The following FSIP2 variants were observed in gnomAD, a reference collection of about 807,000 sequenced individuals.
FSIP2 encodes fibrous sheath-interacting protein 2.
In FSIP2, 367 loss-of-function variants were observed where a neutral mutation model predicts 510.5. The observed-to-expected ratio is 0.72, with a 90% CI of 0.66 to 0.78. The LOEUF (loss-of-function observed/expected upper bound fraction) is 0.78. Ranked by LOEUF, FSIP2 falls within the 30% of genes least tolerant of loss-of-function variation. FSIP2 has a pLI of 0.00. For missense variants in FSIP2, 7,594 were observed against 7,901.7 expected, an observed-to-expected ratio of 0.96 and a Z score of 1.48; for synonymous variants, 2,601 against 2,732.2, an observed-to-expected ratio of 0.95 and a Z score of 1.50.
chr2:185,788,823 A>C lies in FSIP2; in HGVS notation c.1687A>C (p.Ser563Arg), dbSNP rs1186464481. 1 of 1,534,626 alleles carries C rather than the reference A, an allele frequency of 6.5e-7. No homozygotes were observed. Among genetic ancestry groups the C allele is most frequent in the East Asian group, 2.4e-5 (1 of 40,858 alleles). Residue 563 changes from serine to arginine, a missense_variant, in exon 16 of 23, where the codon AGT becomes CGT. Coordinates refer to ENST00000424728, the MANE Select transcript of FSIP2 (RefSeq NM_173651.4). ...TAGTTCAAGTTTCTGTAGCACGTGC[A>C]GTGAAGACTTTACATATAGAAGCTA... The part of the protein sequence containing the change: ...SDSSSFCSTC[S>R]EDFTYRSYTS...
intron 10 of FSIP2, 128 bp from the exon 11 acceptor site, chr2:185,761,844 G>T: frequency 2.0e-6 from 1 of 503,100 alleles, no homozygotes; most frequent in Non-Finnish European, 3.5e-6. Flanking sequence ...TACCTAAACA[G>T]TTTTTATGAG....
intron 19 of FSIP2, among the ~76,000 whole-genome samples, chr2:185,816,806 T>C (rs781265444): frequency 1.2e-4 from 18 of 151,620 alleles, no homozygotes; most frequent in Non-Finnish European, 2.2e-4. Context: ...CAGTGAGCTA[T>C]GATTTTGCCA....
chr2:185,815,269 T>C (rs1693805872), intron 18 of FSIP2, 102 bp from the exon 19 acceptor site: 1 of 629,910 alleles, frequency 1.6e-6, no homozygotes. Flanking sequence ...TCTCTGGAAC[T>C]TTTTTCCATT....
rs1692216664 is a variant in FSIP2, at chr2:185,755,035, T to C, written c.992-1157T>C. ...TTCTCTGCCTCTCTGTATCCAATTTTTCTCAATTTAGAATGACCTGATTAC... is the reference window on the plus strand; with the variant it reads ...TTCTCTGCCTCTCTGTATCCAATTTCTCTCAATTTAGAATGACCTGATTAC... On this transcript the variant is annotated intron_variant, in intron 8 of 22. Coordinates refer to ENST00000424728, the MANE Select transcript of FSIP2 (RefSeq NM_173651.4). Among the ~76,000 whole-genome samples the C allele has an allele frequency of 3.3e-5, 5 of 151,534 alleles. No homozygotes were observed. The Admixed American group carries it at 3.3e-4, about 10-fold the overall frequency.
At chr2:185,754,006 A>C (rs1692196788) in intron 8 of FSIP2, among the ~76,000 whole-genome samples, 164 bp downstream of exon 8, 1 of 151,562 alleles carries the variant, frequency 6.6e-6, no homozygotes, top group Non-Finnish European at 1.5e-5. Context: ...GTAGGCATAT[A>C]TGTAACAATG....
At position 185,795,477 on chromosome 2, in the gene FSIP2, G is replaced by A. The variant is rs960721975; in HGVS notation, c.8341G>A (p.Glu2781Lys). Reference sequence around the variant, plus strand: ...TAAAATAGTTAATACAGTTTTGCAAGAATTATATGTTACCAATAACTGCAA... The same window carrying A: ...TAAAATAGTTAATACAGTTTTGCAAAAATTATATGTTACCAATAACTGCAA... ...AGKIVNTVLQELYVTNNCNLA... is the reference protein window; with the variant it reads ...AGKIVNTVLQKLYVTNNCNLA... The change falls in exon 16 of 23, where the codon GAA (glutamate) becomes AAA (lysine). Residue 2781 changes from glutamate to lysine, a missense_variant. By Grantham distance (56) the Glu-to-Lys change is moderately conservative. Coordinates refer to ENST00000424728, the MANE Select transcript of FSIP2 (RefSeq NM_173651.4). 3.3e-6 allele frequency: 5 copies of A among 1,534,784 alleles called. No individual in the cohort carries two copies. Among genetic ancestry groups the A allele is most frequent in the Admixed American group, 3.9e-5 (2 of 50,896 alleles).
rs1042082935 is a variant in FSIP2, at chr2:185,791,950, G to T, written c.4814G>T (p.Gly1605Val). 88 of 1,533,612 alleles carry T rather than the reference G, an allele frequency of 5.7e-5. No individual in the cohort carries two copies. The highest frequency in any genetic ancestry group is 7.5e-5 in the Non-Finnish European group (86 of 1,145,230). Residue 1605 changes from glycine (G) to valine (V), a missense_variant, in exon 16 of 23, where the codon GGT (glycine) becomes GTT (valine). Transcript: ENST00000424728. ...GCCAACGGACATTTAGAAATTTTGG[G>T]TGCTATTAATGATGGAAATAAGAAA... ...GFANGHLEIL[G>V]AINDGNKKSN...
At position 185,804,615 on chromosome 2, in the gene FSIP2, C is replaced by A. The variant is rs1202184922; in HGVS notation, c.15309C>A (p.Ser5103Arg). 1 of 1,533,180 alleles carries A rather than the reference C, an allele frequency of 6.5e-7. No homozygotes were observed. The highest frequency in any genetic ancestry group is 2.4e-5 in the East Asian group (1 of 40,820). 95.0% of individuals were successfully genotyped at this position (1,533,180 alleles called of 1,614,324 possible). ...RNVLNIITKD[S>R]HALPPYITVL... The stretch of plus-strand genomic sequence containing the variant: ...TGCTTAACATAATCACAAAGGATAG[C>A]CATGCCTTGCCACCATATATTACTG... Residue 5103 changes from serine to arginine, a missense_variant, in exon 17 of 23, where the codon AGC (serine) becomes AGA (arginine). By Grantham distance (110) the Ser-to-Arg change is moderately radical. Transcript: ENST00000424728.
chr2:185,748,960 T>G (rs1267514464), intron 7 of FSIP2, among the ~76,000 whole-genome samples: 1 of 152,120 alleles, frequency 6.6e-6, no homozygotes, highest in Non-Finnish European at 1.5e-5. Flanking sequence ...TATCATAGTT[T>G]AGATTTTGCT....
Position 185,796,346 on chromosome 2 carries a change from G to C in FSIP2, c.9210G>C (p.Arg3070=), listed in dbSNP as rs148669657. 8.5e-6 allele frequency: 13 copies of C among 1,533,716 alleles called. No individual in the cohort carries two copies. In the East Asian group the frequency reaches 2.9e-4, roughly 35 times the overall value. Reference sequence around the variant, plus strand: ...AAAACATACAGAATATCCTTCTACGGGTTCATTCATTCCATTCACAATTAC... The same window carrying C: ...AAAACATACAGAATATCCTTCTACGCGTTCATTCATTCCATTCACAATTAC... ...FKENIQNILL[R]VHSFHSQLLT... Residue 3070 remains arginine, a synonymous_variant, in exon 16 of 23, where the codon CGG becomes CGC. Coordinates refer to ENST00000424728, the MANE Select transcript of FSIP2 (RefSeq NM_173651.4).
Position 185,796,769 on chromosome 2 carries a change from A to T in FSIP2, c.9633A>T (p.Arg3211Ser). The change falls in exon 16 of 23, where the codon AGA becomes AGT. Residue 3211 changes from arginine to serine, a missense_variant. Arg to Ser is a moderately radical substitution (Grantham distance 110). Transcript: ENST00000424728. Reference protein sequence around the residue: ...RVSSDLPTSVRSSVEDTVKNS... With the variant: ...RVSSDLPTSVSSSVEDTVKNS... ...CATCAGATTTACCCACCTCTGTCAG[A>T]TCCTCTGTAGAAGACACAGTTAAAA... 7 of 1,535,134 alleles carry T rather than the reference A, an allele frequency of 4.6e-6. No individual in the cohort carries two copies. Among genetic ancestry groups the T allele is most frequent in the Non-Finnish European group, 6.1e-6 (7 of 1,146,274 alleles).
rs1430178344 is a variant in FSIP2 at position 185,796,782 on chromosome 2, GAC to G, written c.9650_9651del (p.Thr3217SerfsTer2). On this transcript the variant is annotated frameshift_variant, in exon 16 of 23. Transcript: ENST00000424728. LOFTEE classifies it high-confidence loss of function. ...LPTSVRSSVE[D>X]TVKNSEPTKR... ...CACCTCTGTCAGATCCTCTGTAGAA[GAC>G]ACAGTTAAAAACTCAGAGCCAACGA... is the stretch of plus-strand genomic sequence containing the variant. 2.6e-6 allele frequency: 4 copies of G among 1,534,998 alleles called. No homozygotes were observed. The highest frequency in any genetic ancestry group is 4.9e-5 in the East Asian group (2 of 40,862).
chr2:185,754,403 A>G (rs1559012082), intron 8 of FSIP2, among the ~76,000 whole-genome samples: 2 of 151,486 alleles, frequency 1.3e-5, no homozygotes, highest in Non-Finnish European at 3.0e-5. Context: ...TGTTTTAACT[A>G]TCTTTGACTG....
At chr2:185,750,425 G>A (rs1219011063) in intron 7 of FSIP2, among the ~76,000 whole-genome samples, 1 of 151,324 alleles carries the variant, frequency 6.6e-6, no homozygotes, top group Non-Finnish European at 1.5e-5. Context: ...ACATTCCTTT[G>A]TTATCATTTG....
chr2:185,775,889 C>G (rs542135783), intron 13 of FSIP2, among the ~76,000 whole-genome samples: 1 of 152,236 alleles, frequency 6.6e-6, no homozygotes, highest in East Asian at 1.9e-4. Context: ...GTGTTGAATT[C>G]CTGACCTCAG....
At chr2:185,809,904 T>C (rs1337978948) in intron 17 of FSIP2, among the ~76,000 whole-genome samples, 1 of 152,092 alleles carries the variant, frequency 6.6e-6, no homozygotes, top group African/African-American at 2.4e-5. Flanking sequence ...ACAAGGAAAC[T>C]ATTACTGAGG....
At chr2:185,764,071 A>G (rs985528231) in intron 12 of FSIP2, among the ~76,000 whole-genome samples, 1 of 137,172 alleles carries the variant, frequency 7.3e-6, no homozygotes, top group African/African-American at 2.7e-5. Context: ...AAAATATTAT[A>G]AAGGCTATGC....
chr2:185,772,012 A>G (rs893934217), intron 13 of FSIP2, among the ~76,000 whole-genome samples: 3 of 152,190 alleles, frequency 2.0e-5, no homozygotes, highest in African/African-American at 7.2e-5. Flanking sequence ...AACCTTCCAC[A>G]AATGCCCAGG....
intron 13 of FSIP2, among the ~76,000 whole-genome samples, chr2:185,781,013 A>C (rs1692837612): frequency 6.6e-6 from 1 of 151,890 alleles, no homozygotes; most frequent in Admixed American, 6.6e-5. Context: ...TTCTCCACCC[A>C]CAGCCAAAAG....
Sources: gnomAD v4.1 joint callset for allele counts (sites outside exome capture counted in the v4.1 genomes callset) on GRCh38, gnomAD v4.1.1 for gene constraint, MANE v1.5 for transcripts, NCBI Gene and HGNC (gene_info 2026-07-23, HGNC 2026-07-21) for gene names.